The following SPRED1 variants were observed in gnomAD, a reference collection of about 807,000 sequenced individuals.
SPRED1 encodes the protein sprouty-related, EVH1 domain-containing protein 1.
A neutral mutation model predicts 52.3 loss-of-function variants in SPRED1; 18 were observed. The observed-to-expected ratio is 0.34, with a 90% CI of 0.24 to 0.51. The LOEUF (loss-of-function observed/expected upper bound fraction) is 0.51, where lower values mean the gene tolerates loss of function less well. Ranked by LOEUF, SPRED1 falls within the 20% of genes least tolerant of loss-of-function variation. SPRED1 has a pLI of 0.97. For missense variants in SPRED1, 485 were observed against 551.0 expected, an observed-to-expected ratio of 0.88 and a Z score of 1.20; for synonymous variants, 155 against 179.7, an observed-to-expected ratio of 0.86 and a Z score of 1.10.
intron 1 of SPRED1, among the ~76,000 whole-genome samples, chr15:38,271,820 T>C (rs1894440861): frequency 6.6e-6 from 1 of 152,222 alleles, no homozygotes; most frequent in Non-Finnish European, 1.5e-5. Flanking sequence ...GCATATTTCA[T>C]GATGCAGAGG....
At chr15:38,317,883 C>CTTGA (rs1895521420) in intron 2 of SPRED1, among the ~76,000 whole-genome samples, 1 of 147,452 alleles carries the variant, frequency 6.8e-6, no homozygotes, top group African/African-American at 2.5e-5. Flanking sequence ...GTCTCTGTTA[C>CTTGA]TTAATCAAGG....
intron 2 of SPRED1, 65 bp downstream of exon 2, chr15:38,299,612 A>G (rs1895113786): frequency 4.0e-6 from 6 of 1,500,382 alleles, no homozygotes; most frequent in Non-Finnish European, 4.6e-6. Context: ...AGTTATGATT[A>G]GTATACTGTT....
At chr15:38,262,163 A>C (rs996865785) in intron 1 of SPRED1, among the ~76,000 whole-genome samples, 1 of 152,244 alleles carries the variant, frequency 6.6e-6, no homozygotes, top group African/African-American at 2.4e-5. Flanking sequence ...AGATTTGAAC[A>C]GGGACCATTA....
intron 4 of SPRED1, among the ~76,000 whole-genome samples, chr15:38,334,201 GCAT>G (rs1895862615): frequency 2.6e-5 from 4 of 151,968 alleles, no homozygotes; most frequent in Non-Finnish European, 5.9e-5. Context: ...CAGTTCAAAA[GCAT>G]CTATAACTAA....
At chr15:38,281,346 G>A (rs1894683588) in intron 1 of SPRED1, among the ~76,000 whole-genome samples, 1 of 152,108 alleles carries the variant, frequency 6.6e-6, no homozygotes, top group Admixed American at 6.6e-5. Flanking sequence ...TGTGTAGTGT[G>A]TCAGATTAGT....
At chr15:38,337,479 A>T (rs891769122) in intron 4 of SPRED1, among the ~76,000 whole-genome samples, 7 of 152,310 alleles carry the variant, frequency 4.6e-5, no homozygotes, top group Admixed American at 1.3e-4. Flanking sequence ...TCACTGTGCG[A>T]TATGAACTAT....
At chr15:38,319,033 G>T (rs1291529471) in intron 2 of SPRED1, among the ~76,000 whole-genome samples, 1 of 152,044 alleles carries the variant, frequency 6.6e-6, no homozygotes, top group African/African-American at 2.4e-5. Context: ...TATTAATTTT[G>T]TAAAATAGAA....
chr15:38,345,441 A>G (rs573704255), intron 5 of SPRED1, among the ~76,000 whole-genome samples: 1 of 152,330 alleles, frequency 6.6e-6, no homozygotes, highest in African/African-American at 2.4e-5. Flanking sequence ...CTTTTCTACA[A>G]CAGAGGAACA....
At chr15:38,281,559 ATT>A (rs542005244) in intron 1 of SPRED1, among the ~76,000 whole-genome samples, 2 of 100,728 alleles carry the variant, frequency 2.0e-5, no homozygotes. Context: ...TGCCCATCTA[ATT>A]TTTTTTTTTT....
chr15:38,318,827 C>T (rs1342102894), intron 2 of SPRED1, among the ~76,000 whole-genome samples: 1 of 152,132 alleles, frequency 6.6e-6, no homozygotes, highest in African/African-American at 2.4e-5. Context: ...ATACATACCA[C>T]ATTTTCTTTA....
At position 38,315,174 on chromosome 15, in the gene SPRED1, A is replaced by G. The variant is rs145920322; in HGVS notation, c.208-7067A>G. Among the ~76,000 whole-genome samples the G allele has an allele frequency of 8.6e-5, 13 of 152,046 alleles. No individual in the cohort carries two copies. In the East Asian group the frequency reaches 2.1e-3, roughly 25 times the overall value. Reference sequence around the variant, plus strand: ...TTGACTTTGGTTATCAAGTAATTTAATCTGAATTTGGAATTATTATTTTAA... The same window carrying G: ...TTGACTTTGGTTATCAAGTAATTTAGTCTGAATTTGGAATTATTATTTTAA... On this transcript the variant is annotated intron_variant, in intron 2 of 6. Coordinates refer to ENST00000299084, the MANE Select transcript of SPRED1 (RefSeq NM_152594.3).
At position 38,299,510 on chromosome 15, in the gene SPRED1, A is replaced by G. The variant is rs959758606; in HGVS notation, c.170A>G (p.Asp57Gly). The G allele has an allele frequency of 5.0e-6, 8 of 1,613,924 alleles. No individual in the cohort carries two copies. Among genetic ancestry groups the G allele is most frequent in the Middle Eastern group, 1.6e-4 (1 of 6,082 alleles). ...CATCAGGAAGAGAATGGCTGTGCTGACTTTTTTATCCGTGGAGAGCGACTC... is the reference window on the plus strand; with the variant it reads ...CATCAGGAAGAGAATGGCTGTGCTGGCTTTTTTATCCGTGGAGAGCGACTC... ...VPHQEENGCA[D>G]FFIRGERLRD... Residue 57 changes from aspartate to glycine, a missense_variant, in exon 2 of 7, where the codon GAC (aspartate) becomes GGC (glycine). By Grantham distance (94) the Asp-to-Gly change is moderately conservative (BLOSUM62 -1). Coordinates refer to ENST00000299084, the MANE Select transcript of SPRED1 (RefSeq NM_152594.3).
chr15:38,327,912 T>A (rs527879499), intron 4 of SPRED1, among the ~76,000 whole-genome samples: 1 of 152,306 alleles, frequency 6.6e-6, no homozygotes, highest in African/African-American at 2.4e-5. Context: ...GATAGCTAAT[T>A]TTTTCAGAGT....
intron 3 of SPRED1, among the ~76,000 whole-genome samples, chr15:38,323,757 T>C (rs1895650906): frequency 6.6e-6 from 1 of 152,120 alleles, no homozygotes; most frequent in Non-Finnish European, 1.5e-5. Context: ...TTTAGCCAGG[T>C]TTGAAGAACC....
intron 1 of SPRED1, among the ~76,000 whole-genome samples, chr15:38,256,648 T>G (rs1894102308): frequency 6.6e-6 from 1 of 152,160 alleles, no homozygotes; most frequent in Non-Finnish European, 1.5e-5. Flanking sequence ...AAACGTACTA[T>G]GTTGTAATCT....
chr15:38,344,148 G>C (rs1398100662), intron 5 of SPRED1, among the ~76,000 whole-genome samples: 3 of 152,146 alleles, frequency 2.0e-5, no homozygotes, highest in African/African-American at 7.2e-5. Context: ...CAGTTTAACA[G>C]TTTTAAGTAC....
Position 38,252,866 on chromosome 15 carries a change from A to G in SPRED1, c.-320A>G. The G allele has an allele frequency of 2.3e-6, 1 of 443,064 alleles. No individual in the cohort carries two copies. Among genetic ancestry groups the G allele is most frequent in the Non-Finnish European group, 4.2e-6 (1 of 239,464 alleles). 27.4% of individuals were successfully genotyped at this position (443,064 alleles called of 1,614,324 possible). A position where few individuals can be genotyped will look rare whatever the true frequency, so the allele number is the denominator to read the frequency against. On this transcript the variant is annotated 5_prime_UTR_variant, in exon 1 of 7. Transcript: ENST00000299084. ...GCTCCACCCCAGTGGCTGGAGGAGC[A>G]GCTCTCCAGTCAGCCTTTGCAGCCC...
At chr15:38,282,917 T>C (rs1445132344) in intron 1 of SPRED1, among the ~76,000 whole-genome samples, 1 of 152,132 alleles carries the variant, frequency 6.6e-6, no homozygotes, top group Admixed American at 6.5e-5. Context: ...GACACTGATT[T>C]GAATCTAGTA....
At chr15:38,316,572 TATA>T (rs1895484752) in intron 2 of SPRED1, among the ~76,000 whole-genome samples, 1 of 151,904 alleles carries the variant, frequency 6.6e-6, no homozygotes, top group African/African-American at 2.4e-5. Flanking sequence ...CCTTTATTAT[TATA>T]GTCACTTTCC....
Sources: gnomAD v4.1 joint callset for allele counts (sites outside exome capture counted in the v4.1 genomes callset) on GRCh38, gnomAD v4.1.1 for gene constraint, MANE v1.5 for transcripts, NCBI Gene and HGNC (gene_info 2026-07-23, HGNC 2026-07-21) for gene names.